The following SLIT2 variants were observed in gnomAD, a reference collection of about 807,000 sequenced individuals.
The protein encoded by SLIT2 is slit homolog 2 protein.
A neutral mutation model predicts 185.7 loss-of-function variants in SLIT2; 41 were observed. The observed-to-expected ratio is 0.22, with a 90% CI of 0.17 to 0.29. The LOEUF (loss-of-function observed/expected upper bound fraction) is 0.29, where lower values mean the gene tolerates loss of function less well. SLIT2 is among the 10% of genes least tolerant of loss of function. The pLI is 1.00. For synonymous variants in SLIT2, 693 were observed against 680.2 expected, an observed-to-expected ratio of 1.02 and a Z score of -0.29; for missense variants, 1,571 against 1,909.0, an observed-to-expected ratio of 0.82 and a Z score of 3.30.
intron 26 of SLIT2, among the ~76,000 whole-genome samples, chr4:20,557,907 C>T (rs773366142): frequency 4.0e-5 from 6 of 151,870 alleles, no homozygotes; most frequent in Non-Finnish European, 7.4e-5. Flanking sequence ...TTGAAAACTT[C>T]AATAGAGTAG....
chr4:20,595,513 A>G (rs1394375025), intron 30 of SLIT2, among the ~76,000 whole-genome samples, 184 bp from the exon 31 acceptor site: 1 of 151,916 alleles, frequency 6.6e-6, no homozygotes, highest in African/African-American at 2.4e-5. Context: ...GGTAGATCAC[A>G]GTGATAGAAC....
At chr4:20,606,294 A>T (rs73255309) in intron 33 of SLIT2, among the ~76,000 whole-genome samples, 1 of 152,224 alleles carries the variant, frequency 6.6e-6, no homozygotes, top group Non-Finnish European at 1.5e-5. Context: ...CAGCCTGGGA[A>T]ACATGGCAAT....
At chr4:20,478,274 C>G (rs993892356) in intron 5 of SLIT2, among the ~76,000 whole-genome samples, 1 of 152,126 alleles carries the variant, frequency 6.6e-6, no homozygotes, top group African/African-American at 2.4e-5. Flanking sequence ...TATGTGGACT[C>G]AGATATAACA....
At chr4:20,475,997 G>T (rs1436601206) in intron 5 of SLIT2, among the ~76,000 whole-genome samples, 1 of 152,096 alleles carries the variant, frequency 6.6e-6, no homozygotes, top group Non-Finnish European at 1.5e-5. Context: ...AATTACTTTG[G>T]GGTCCTCAGA....
intron 9 of SLIT2, among the ~76,000 whole-genome samples, chr4:20,493,229 G>C (rs900114411): frequency 3.3e-5 from 5 of 152,074 alleles, no homozygotes; most frequent in African/African-American, 1.2e-4. Flanking sequence ...TAATGTTGAG[G>C]CATCGTGAAA....
intron 9 of SLIT2, among the ~76,000 whole-genome samples, chr4:20,495,052 T>C (rs1718111104): frequency 6.6e-6 from 1 of 151,674 alleles, no homozygotes; most frequent in African/African-American, 2.4e-5. Context: ...CAAGCTGGGG[T>C]CTGAGAGAAG....
chr4:20,593,543 GAGATCTAA>G, intron 30 of SLIT2, among the ~76,000 whole-genome samples: 1 of 152,192 alleles, frequency 6.6e-6, no homozygotes, highest in East Asian at 1.9e-4. Context: ...ATAAGTTCTA[GAGATCTAA>G]TATCACAGCA....
intron 4 of SLIT2, among the ~76,000 whole-genome samples, chr4:20,444,754 C>T (rs1334065217): frequency 6.6e-6 from 1 of 152,076 alleles, no homozygotes; most frequent in Non-Finnish European, 1.5e-5. Context: ...TTAAAGTTTT[C>T]TTGGCCTGCC....
intron 34 of SLIT2, among the ~76,000 whole-genome samples, chr4:20,611,327 G>A (rs769339787): frequency 6.6e-6 from 1 of 152,154 alleles, no homozygotes; most frequent in African/African-American, 2.4e-5. Context: ...TTTTGACAGA[G>A]TTGGATTGTT....
intron 29 of SLIT2, among the ~76,000 whole-genome samples, chr4:20,576,223 C>A (rs916511131): frequency 6.6e-6 from 1 of 152,022 alleles, no homozygotes; most frequent in Admixed American, 6.5e-5. Flanking sequence ...TATGGGAATT[C>A]TTTATTCAAT....
intron 4 of SLIT2, among the ~76,000 whole-genome samples, chr4:20,428,780 A>G (rs919102844): frequency 6.6e-6 from 1 of 151,984 alleles, no homozygotes; most frequent in Non-Finnish European, 1.5e-5. Context: ...CTATAATTTG[A>G]CTCTGCTAAT....
chr4:20,501,966 T>A (rs1401340595), intron 9 of SLIT2, among the ~76,000 whole-genome samples: 1 of 152,174 alleles, frequency 6.6e-6, no homozygotes, highest in Non-Finnish European at 1.5e-5. Flanking sequence ...AATTCTTCAT[T>A]TATATTTTTT....
At chr4:20,258,885 A>G (rs762691762) in intron 3 of SLIT2, among the ~76,000 whole-genome samples, 1 of 151,738 alleles carries the variant, frequency 6.6e-6, no homozygotes, top group Non-Finnish European at 1.5e-5. Context: ...ATAAAATCTA[A>G]TGTTCATTTT....
At chr4:20,604,874 C>T (rs568020849) in intron 33 of SLIT2, among the ~76,000 whole-genome samples, 3 of 150,556 alleles carry the variant, frequency 2.0e-5, no homozygotes, top group Non-Finnish European at 3.0e-5. Flanking sequence ...ATTGCTCTGT[C>T]GCCCAGGCTA....
chr4:20,443,731 G>C (rs1271750650), intron 4 of SLIT2, among the ~76,000 whole-genome samples: 4 of 152,040 alleles, frequency 2.6e-5, no homozygotes, highest in African/African-American at 9.7e-5. Context: ...AATTATCCTG[G>C]AATGTTTGAG....
intron 4 of SLIT2, among the ~76,000 whole-genome samples, chr4:20,439,698 T>C (rs1288202509): frequency 4.6e-5 from 7 of 152,198 alleles, no homozygotes; most frequent in Admixed American, 4.6e-4. Flanking sequence ...CCATTTATCA[T>C]AGCCATTGAC....
At chr4:20,440,342 C>T (rs1343614796) in intron 4 of SLIT2, among the ~76,000 whole-genome samples, 1 of 152,166 alleles carries the variant, frequency 6.6e-6, no homozygotes, top group Non-Finnish European at 1.5e-5. Context: ...GATGCATTAT[C>T]ACCAGTCAGA....
rs1729907242 is a variant in SLIT2, at chr4:20,619,147, G to A, written c.*138G>A. ...GACTTATTTTTATTATGAGAATAAA[G>A]ACTTTTTTTCTGCATTTGGAAAAAA... On this transcript the variant is annotated 3_prime_UTR_variant, in exon 37 of 37. Coordinates refer to ENST00000504154, the MANE Select transcript of SLIT2 (RefSeq NM_004787.4). 9 of 857,176 alleles carry A rather than the reference G, an allele frequency of 1.0e-5. No individual in the cohort carries two copies. Among genetic ancestry groups the A allele is most frequent in the East Asian group, 3.1e-5 (1 of 32,722 alleles). 53.1% of individuals were successfully genotyped at this position (857,176 alleles called of 1,614,324 possible).
chr4:20,459,313 T>C (rs778402470), intron 4 of SLIT2, among the ~76,000 whole-genome samples: 4 of 152,118 alleles, frequency 2.6e-5, no homozygotes, highest in African/African-American at 7.2e-5. Flanking sequence ...GTCAAGGTGG[T>C]GATAAAAACA....
Sources: allele counts gnomAD v4.1 joint callset (sites outside exome capture counted in the v4.1 genomes callset), GRCh38; gene constraint gnomAD v4.1.1; transcripts MANE v1.5; gene names NCBI Gene and HGNC (gene_info 2026-07-23, HGNC 2026-07-21).